EPN2: variants seen among roughly 807,000 people sequenced by gnomAD.
The protein encoded by EPN2 is epsin-2.
A neutral mutation model predicts 61.7 loss-of-function variants in EPN2; 34 were observed. That is an observed-to-expected ratio of 0.55 (90% CI 0.42 to 0.73). EPN2 has a LOEUF of 0.73. Ranked by LOEUF, EPN2 falls within the 30% of genes least tolerant of loss-of-function variation. The pLI is 0.00. For synonymous variants in EPN2, 349 were observed against 353.6 expected (o/e 0.99, Z 0.15); for missense variants, 714 against 839.2 (o/e 0.85, Z 1.84).
chr17:19,324,373 G>A (rs1281057453), intron 7 of EPN2, among the ~76,000 whole-genome samples: 1 of 152,144 alleles, frequency 6.6e-6, no homozygotes, highest in African/African-American at 2.4e-5. Context: ...TGTTCTTGTT[G>A]CCCAGGCTGG....
rs1160237992 is a variant in EPN2, at chr17:19,283,056, C to T, written c.-64C>T. On this transcript the variant is annotated 5_prime_UTR_variant, in exon 3 of 11. Coordinates refer to ENST00000314728, the MANE Select transcript of EPN2 (RefSeq NM_014964.5). This position sits in a 1 kb window ranked among gnomAD's most constrained non-coding sequence, Gnocchi z 7.0. ...AGACTGAACCTTCATAGGGTGCGCA[C>T]TTACCAAGGACAGGAAGGTTTCTCT... The T allele has an allele frequency of 1.6e-6, 2 of 1,274,910 alleles. No homozygotes were observed. Among genetic ancestry groups the T allele is most frequent in the Non-Finnish European group, 2.2e-6 (2 of 909,546 alleles). The allele number at this position is 1,274,910 out of a possible 1,614,324, so 79.0% of individuals were successfully genotyped here. A position where few individuals can be genotyped will look rare whatever the true frequency, so the allele number is the denominator to read the frequency against.
At chr17:19,289,080 T>G (rs1441585101) in intron 4 of EPN2, among the ~76,000 whole-genome samples, 28 of 134,020 alleles carry the variant, frequency 2.1e-4, no homozygotes, top group African/African-American at 7.9e-4. Context: ...GTATGTTTTT[T>G]TTTTTTTTTT....
At chr17:19,269,853 T>C (rs2045236625) in intron 1 of EPN2, among the ~76,000 whole-genome samples, 1 of 152,204 alleles carries the variant, frequency 6.6e-6, no homozygotes, top group African/African-American at 2.4e-5. Context: ...CCACAAAACA[T>C]GAGGCTGGAA....
intron 4 of EPN2, among the ~76,000 whole-genome samples, chr17:19,290,086 G>C (rs2045447963): frequency 6.6e-6 from 1 of 152,116 alleles, no homozygotes; most frequent in Non-Finnish European, 1.5e-5. Context: ...CCCAAGGCTG[G>C]CTCCTCTTAA....
intron 4 of EPN2, 152 bp from the exon 5 acceptor site, chr17:19,309,733 A>G (rs1454526623): frequency 3.1e-6 from 2 of 643,584 alleles, no homozygotes; most frequent in Non-Finnish European, 5.6e-6. Flanking sequence ...AAATATTTGT[A>G]AGCCTTTCCT....
At position 19,283,482 on chromosome 17, in the gene EPN2, C is replaced by A. The variant is rs564542502; in HGVS notation, c.363C>A (p.Ile121=). Residue 121 remains isoleucine (I), a synonymous_variant, in exon 3 of 11, where the codon ATC becomes ATA. Transcript: ENST00000314728. This position sits in a 1 kb window ranked among gnomAD's most constrained non-coding sequence, Gnocchi z 7.0. The part of the protein sequence containing the change: ...YIDRDGKDQG[I]NVREKSKQLV... ...ACCGAGATGGCAAGGACCAGGGCAT[C>A]AATGTGCGTGAGAAGTCAAAGCAAC... 5.0e-6 allele frequency: 8 copies of A among 1,614,212 alleles called. No homozygotes were observed. The South Asian group carries it at 7.7e-5, about 16-fold the overall frequency.
intron 1 of EPN2, among the ~76,000 whole-genome samples, chr17:19,254,999 T>C (rs1043189182): frequency 2.0e-5 from 3 of 152,178 alleles, no homozygotes; most frequent in East Asian, 3.8e-4. Flanking sequence ...TGGTTTCAGC[T>C]AAGAGTTTGT....
intron 1 of EPN2, among the ~76,000 whole-genome samples, chr17:19,255,526 TTGAC>T (rs922856943): frequency 4.0e-5 from 6 of 150,624 alleles, no homozygotes; most frequent in Non-Finnish European, 7.4e-5. Context: ...AGTCTCAACT[TTGAC>T]TGTACCTTAA....
intron 4 of EPN2, among the ~76,000 whole-genome samples, chr17:19,296,150 A>G (rs889150666): frequency 1.4e-5 from 2 of 144,382 alleles, no homozygotes; most frequent in African/African-American, 5.1e-5. Flanking sequence ...CATTCATTCT[A>G]TTTTTTTTTT....
chr17:19,271,668 C>G (rs1040109719), intron 1 of EPN2: 1 of 152,298 alleles, frequency 6.6e-6, no homozygotes. Flanking sequence ...CAGAAATCTA[C>G]CGTGTTCCTC....
At position 19,335,561 on chromosome 17, in the gene EPN2, T is replaced by G. The variant is rs1907374260; in HGVS notation, c.*1307T>G. The G allele has an allele frequency of 2.3e-5, 28 of 1,236,100 alleles. No individual in the cohort carries two copies. Among genetic ancestry groups the G allele is most frequent in the East Asian group, 1.1e-4 (3 of 28,410 alleles). The allele number at this position is 1,236,100 out of a possible 1,614,324, so 76.6% of individuals were successfully genotyped here. A position where few individuals can be genotyped will look rare whatever the true frequency, so the allele number is the denominator to read the frequency against. ...TGGCAGTTGTCCCGAGGGCGTGGGG[T>G]GGGGGGTGCTTCTGTGCCCACGGGT... On this transcript the variant is annotated 3_prime_UTR_variant, in exon 11 of 11. Coordinates refer to ENST00000314728, the MANE Select transcript of EPN2 (RefSeq NM_014964.5).
rs1367294271 is a variant in EPN2 at position 19,336,639 on chromosome 17, C to T, written c.*2385C>T. 2.0e-5 allele frequency: 3 copies of T among 152,708 alleles called. No individual in the cohort carries two copies. The highest frequency in any genetic ancestry group is 1.9e-4 in the East Asian group (1 of 5,182). 9.5% of individuals were successfully genotyped at this position (152,708 alleles called of 1,614,324 possible). A position where few individuals can be genotyped will look rare whatever the true frequency, so the allele number is the denominator to read the frequency against. On this transcript the variant is annotated 3_prime_UTR_variant, in exon 11 of 11. Transcript: ENST00000314728. ...CCAGCTGTTTCTCAGTCCCAGAGGC[C>T]GGTGGCTGGTTTTGAACTTGTGTTG... is the stretch of plus-strand genomic sequence containing the variant.
chr17:19,276,455 T>C (rs1356762342), intron 1 of EPN2: 2 of 139,422 alleles, frequency 1.4e-5, no homozygotes, highest in Non-Finnish European at 3.1e-5. Context: ...CAAGTGATCC[T>C]CCTGCCTTGG....
At chr17:19,258,716 C>T (rs1036725013) in intron 1 of EPN2, among the ~76,000 whole-genome samples, 2 of 152,130 alleles carry the variant, frequency 1.3e-5, no homozygotes, top group Non-Finnish European at 1.5e-5. Context: ...CCCTTGGCGT[C>T]GATGCTGCGT....
chr17:19,250,222 G>A (rs886285661), intron 1 of EPN2, among the ~76,000 whole-genome samples: 1 of 151,892 alleles, frequency 6.6e-6, no homozygotes, highest in African/African-American at 2.4e-5. Context: ...AGCCTCCCGA[G>A]TAGCTGGGAT....
chr17:19,244,696 C>G (rs1365117461), intron 1 of EPN2, among the ~76,000 whole-genome samples: 1 of 152,020 alleles, frequency 6.6e-6, no homozygotes, highest in Non-Finnish European at 1.5e-5. Context: ...TGTGTGTGAG[C>G]CCCGATGGTT....
intron 7 of EPN2, among the ~76,000 whole-genome samples, chr17:19,316,500 G>C (rs1400560326): frequency 6.6e-6 from 1 of 152,224 alleles, no homozygotes; most frequent in Non-Finnish European, 1.5e-5. Flanking sequence ...CACCATCCTG[G>C]ACTGCTGCAA....
rs374499729 is a variant in EPN2 at position 19,333,963 on chromosome 17, C to T, written c.1635C>T (p.Pro545=). 3.4e-5 allele frequency: 52 copies of T among 1,540,228 alleles called. No individual in the cohort carries two copies. The highest frequency in any genetic ancestry group is 2.5e-4 in the South Asian group (20 of 79,090). Residue 545 remains proline, a synonymous_variant, in exon 11 of 11, where the codon CCC becomes CCT. Transcript: ENST00000314728. The part of the protein sequence containing the change: ...SLNPFLAPGA[P]ATSAPVNPFQ... ...CTCCTTCTGTCTCCCCAGGTGCTCCCGCCACCTCGGCCCCTGTTAACCCTT... is the reference window on the plus strand; with the variant it reads ...CTCCTTCTGTCTCCCCAGGTGCTCCTGCCACCTCGGCCCCTGTTAACCCTT...
chr17:19,331,709 C>G (rs1907160369), intron 9 of EPN2, 144 bp from the exon 10 acceptor site: 1 of 669,576 alleles, frequency 1.5e-6, no homozygotes, highest in African/African-American at 1.8e-5. Flanking sequence ...CTTGATTTAT[C>G]TAACCCAGCC....
Sources: allele counts gnomAD v4.1 joint callset (sites outside exome capture counted in the v4.1 genomes callset), GRCh38; gene constraint gnomAD v4.1.1; non-coding constraint Gnocchi (gnomAD v3.1); transcripts MANE v1.5; gene names NCBI Gene and HGNC (gene_info 2026-07-23, HGNC 2026-07-21).